AHCTF1: variants seen among roughly 807,000 people sequenced by gnomAD.
AHCTF1 encodes AT-hook containing transcription factor 1.
Under a neutral mutation model 248.4 loss-of-function variants are expected in AHCTF1, and 24 were observed. That is an observed-to-expected ratio of 0.10 (90% CI 0.07 to 0.14). The LOEUF (loss-of-function observed/expected upper bound fraction) is 0.14. AHCTF1 is among the 10% of genes least tolerant of loss of function. AHCTF1 has a pLI of 1.00. For synonymous variants in AHCTF1, 786 were observed against 929.8 expected (o/e 0.85, Z 2.81); for missense variants, 2,206 against 2,636.2 (o/e 0.84, Z 3.57).
intron 33 of AHCTF1, among the ~76,000 whole-genome samples, chr1:246,845,117 T>TA (rs1288491191): frequency 6.6e-6 from 1 of 152,220 alleles, no homozygotes; most frequent in Non-Finnish European, 1.5e-5. Context: ...ACCCTTGAAA[T>TA]AAAATCACAG....
At chr1:246,922,531 T>A (rs571560737) in intron 1 of AHCTF1, among the ~76,000 whole-genome samples, 1 of 150,334 alleles carries the variant, frequency 6.7e-6, no homozygotes, top group East Asian at 2.0e-4. Context: ...GCTCTAGCAA[T>A]CTCTCGTCTC....
At chr1:246,930,137 C>T (rs953558789) in intron 1 of AHCTF1, among the ~76,000 whole-genome samples, 1 of 151,790 alleles carries the variant, frequency 6.6e-6, no homozygotes, top group Non-Finnish European at 1.5e-5. Context: ...GTATAACGAT[C>T]TTTTTTATTT....
At chr1:246,918,649 CAG>C (rs1666314122) in intron 1 of AHCTF1, among the ~76,000 whole-genome samples, 1 of 152,218 alleles carries the variant, frequency 6.6e-6, no homozygotes, top group South Asian at 2.1e-4. Context: ...GCATGGGCGA[CAG>C]AGCAAAATCC....
chr1:246,892,942 A>C (rs993720215), intron 14 of AHCTF1, among the ~76,000 whole-genome samples: 7 of 152,074 alleles, frequency 4.6e-5, no homozygotes, highest in Non-Finnish European at 1.0e-4. Flanking sequence ...CACCACACCT[A>C]ATCTCTAATA....
chr1:246,897,723 G>T (rs1664687157), intron 12 of AHCTF1, among the ~76,000 whole-genome samples: 1 of 152,132 alleles, frequency 6.6e-6, no homozygotes, highest in Admixed American at 6.5e-5. Context: ...GCTCATGCCT[G>T]TAATTTCAGC....
chr1:246,900,208 A>C lies in AHCTF1; in HGVS notation c.1289T>G (p.Leu430Arg), dbSNP rs779567378. The change falls in exon 10 of 36, where the codon CTG becomes CGG. Residue 430 changes from leucine to arginine, a missense_variant. Leu to Arg is a moderately radical substitution (Grantham distance 102). Transcript: ENST00000648844. ...ACTTACAACAGACTCCAATGACCAC[A>C]GTGCAAAATAAGAGCAATTATGTAG... ...EYLHNCSYFA[L>R]WSLESVVSRT... The C allele has an allele frequency of 1.3e-6, 2 of 1,596,526 alleles. No individual in the cohort carries two copies. The highest frequency in any genetic ancestry group is 2.3e-5 in the South Asian group (2 of 86,838).
In AHCTF1 at chr1:246,877,178, G is replaced by A; in HGVS notation, c.2785C>T (p.Pro929Ser). ...MGLMEDLLKL[P>S]FTDTEQECLV... ...ATTACCTGCTCAGTGTCTGTAAATGGTAACTTCAGTAAATCTTCCATCAAG... is the reference window on the plus strand; with the variant it reads ...ATTACCTGCTCAGTGTCTGTAAATGATAACTTCAGTAAATCTTCCATCAAG... Residue 929 changes from proline to serine, a missense_variant, in exon 22 of 36, where the codon CCA becomes TCA. Transcript: ENST00000648844. 6.2e-7 allele frequency: 1 copy of A among 1,612,720 alleles called. No individual in the cohort carries two copies.
chr1:246,895,411 G>A (rs1664503270), intron 13 of AHCTF1, among the ~76,000 whole-genome samples: 2 of 152,108 alleles, frequency 1.3e-5, no homozygotes, highest in South Asian at 4.2e-4. Context: ...TGCGTTTGGG[G>A]TGTGTGTGTG....
chr1:246,889,941 A>C, intron 17 of AHCTF1, 25 bp downstream of exon 17: 1 of 1,562,416 alleles, frequency 6.4e-7, no homozygotes, highest in Non-Finnish European at 8.8e-7. Context: ...TTACAGATGT[A>C]ATTTCTAAAA....
At chr1:246,924,833 T>C (rs1419882831) in intron 1 of AHCTF1, among the ~76,000 whole-genome samples, 2 of 150,346 alleles carry the variant, frequency 1.3e-5, no homozygotes, top group East Asian at 2.0e-4. Flanking sequence ...CTTTTTATTA[T>C]CCAAAACAGA....
At position 246,876,063 on chromosome 1, in the gene AHCTF1, AGAT is replaced by A. The variant is rs1219472301; in HGVS notation, c.3059_3061del (p.His1020del). 8 of 1,599,988 alleles carry A rather than the reference AGAT, an allele frequency of 5.0e-6. No individual in the cohort carries two copies. In the East Asian group the frequency reaches 6.7e-5, roughly 13 times the overall value. On this transcript the variant is annotated inframe_deletion, in exon 24 of 36. Coordinates refer to ENST00000648844, the MANE Select transcript of AHCTF1 (RefSeq NM_001323342.2). The stretch of plus-strand genomic sequence containing the variant: ...TAATCGAAAAACTGATGATGTTGAC[AGAT>A]GATAAGGCTTAGCTCGTTCAATGGC...
chr1:246,867,844 T>C lies in AHCTF1; in HGVS notation c.3089-33A>G, dbSNP rs775656563. 3 of 1,530,272 alleles carry C rather than the reference T, an allele frequency of 2.0e-6. No individual in the cohort carries two copies. In the South Asian group the frequency reaches 3.5e-5, roughly 18 times the overall value. The allele number at this position is 1,530,272 out of a possible 1,614,324, so 94.8% of individuals were successfully genotyped here. On this transcript the variant is annotated intron_variant, in intron 24 of 35. Coordinates refer to ENST00000648844, the MANE Select transcript of AHCTF1 (RefSeq NM_001323342.2). The stretch of plus-strand genomic sequence containing the variant: ...ATGAAGAACGCTGGAATTAAGTGCA[T>C]CTCTAACAAACGGGAATTTAATAAA...
intron 24 of AHCTF1, among the ~76,000 whole-genome samples, chr1:246,868,562 T>C (rs1176497757): frequency 1.3e-5 from 2 of 151,628 alleles, no homozygotes; most frequent in African/African-American, 4.9e-5. Flanking sequence ...CTACATTTTG[T>C]TTCATTATAG....
At chr1:246,875,049 T>C (rs898263613) in intron 24 of AHCTF1, among the ~76,000 whole-genome samples, 34 of 148,534 alleles carry the variant, frequency 2.3e-4, no homozygotes, top group African/African-American at 8.2e-4. Context: ...ACTTATATTA[T>C]AGATAAACCA....
At chr1:246,899,938 T>C (rs931875012) in intron 10 of AHCTF1, 127 bp downstream of exon 10, 1 of 904,972 alleles carries the variant, frequency 1.1e-6, no homozygotes, top group Non-Finnish European at 1.7e-6. Flanking sequence ...ATTTCCTAAG[T>C]TATCCATATG....
Position 246,918,244 on chromosome 1 carries a change from G to C in AHCTF1, c.121+6C>G, listed in dbSNP as rs1413099620. On this transcript the variant is annotated splice_donor_region_variant and intron_variant, in intron 2 of 35. Coordinates refer to ENST00000648844, the MANE Select transcript of AHCTF1 (RefSeq NM_001323342.2). Reference sequence around the variant, plus strand: ...ATTAGTAAATGTTCAGTGACATTATGTTTACCTGCAGCAAACTTTCCACGA... The same window carrying C: ...ATTAGTAAATGTTCAGTGACATTATCTTTACCTGCAGCAAACTTTCCACGA... 1 of 1,605,436 alleles carries C rather than the reference G, an allele frequency of 6.2e-7. No homozygotes were observed. The highest frequency in any genetic ancestry group is 1.7e-5 in the Admixed American group (1 of 59,470).
In AHCTF1 at chr1:246,900,393, A is replaced by G; in HGVS notation, c.1194T>C (p.Tyr398=). The G allele has an allele frequency of 6.2e-7, 1 of 1,600,102 alleles. No homozygotes were observed. The highest frequency in any genetic ancestry group is 8.5e-7 in the Non-Finnish European group (1 of 1,177,180). ...NIYGQGKPSV[Y]LGLFDINRWY... is the part of the protein sequence containing the mutation. ...AACGATTTATATCAAAAAGCCCCAA[A>G]TATACAGAAGGCTTTCCCTGTCCAT... is the stretch of plus-strand genomic sequence containing the variant. Residue 398 remains tyrosine, a synonymous_variant, in exon 9 of 36, where the codon TAT becomes TAC. Transcript: ENST00000648844.
chr1:246,863,762 T>C (rs1418469893), intron 27 of AHCTF1, among the ~76,000 whole-genome samples, 162 bp downstream of exon 27: 3 of 152,210 alleles, frequency 2.0e-5, no homozygotes, highest in African/African-American at 7.2e-5. Flanking sequence ...ATAAATTTAA[T>C]TAGCTCCGTT....
At chr1:246,893,334 CTTGA>C (rs964538872) in intron 14 of AHCTF1, among the ~76,000 whole-genome samples, 38 of 152,276 alleles carry the variant, frequency 2.5e-4, no homozygotes, top group South Asian at 1.2e-3. Context: ...TCCTAACGAA[CTTGA>C]TTGGTTTAAA....
Sources: allele counts gnomAD v4.1 joint callset (sites outside exome capture counted in the v4.1 genomes callset), GRCh38; gene constraint gnomAD v4.1.1; transcripts MANE v1.5; gene names NCBI Gene and HGNC (gene_info 2026-07-23, HGNC 2026-07-21).